The following NADK variants were observed in gnomAD, a reference collection of about 807,000 sequenced individuals.
NADK encodes poly(P)/ATP NAD kinase.
NADK carries 22 observed loss-of-function variants against 49.8 expected under a neutral mutation model. The ratio of observed to expected loss-of-function variants is 0.44; its 90% confidence interval spans 0.32 to 0.63. NADK has a LOEUF of 0.63. Among genes scored for constraint, NADK ranks in the 30% least tolerant of loss-of-function variants. The pLI, the probability that NADK is intolerant of heterozygous loss-of-function variation, is 0.06. For missense variants in NADK, 438 were observed against 609.4 expected, an observed-to-expected ratio of 0.72 and a Z score of 2.96; for synonymous variants, 268 against 253.7, an observed-to-expected ratio of 1.06 and a Z score of -0.54.
At position 1,753,503 on chromosome 1, in the gene NADK, C is replaced by T. The variant is rs950369304; in HGVS notation, c.1184+64G>A. 65 of 1,415,834 alleles carry T rather than the reference C, an allele frequency of 4.6e-5. No homozygotes were observed. The African/African-American group carries it at 7.5e-4, about 16-fold the overall frequency. The allele number at this position is 1,415,834 out of a possible 1,614,324, so 87.7% of individuals were successfully genotyped here. On this transcript the variant is annotated intron_variant, in intron 11 of 11. Transcript: ENST00000341426. ...TGTCTACAGGCCAACCGCAAGAGGG[C>T]AGGCGCTGCCTGGCCCGGGGAGGAG...
rs768647366 is a variant in NADK at position 1,752,939 on chromosome 1, A to C, written c.1306T>G (p.Phe436Val). The C allele has an allele frequency of 1.9e-6, 3 of 1,568,784 alleles. 1 individual carries two copies. Among genetic ancestry groups the C allele is most frequent in the Non-Finnish European group, 2.6e-6 (3 of 1,153,120 alleles). ...HWNVRKKQAH[F>V]EEEEEEEEEG The stretch of plus-strand genomic sequence containing the variant: ...TCCTCCTCCTCCTCCTCCTCCTCGA[A>C]GTGGGCTTGCTTCTTCCGGACGTTC... Residue 436 changes from phenylalanine (F) to valine (V), a missense_variant, in exon 12 of 12, where the codon TTC (phenylalanine) becomes GTC (valine). Physicochemically the swap from Phe to Val is conservative, Grantham distance 50. Coordinates refer to ENST00000341426, the MANE Select transcript of NADK (RefSeq NM_023018.5).
chr1:1,764,954 A>T (rs184039452), intron 2 of NADK, among the ~76,000 whole-genome samples: 13 of 152,334 alleles, frequency 8.5e-5, no homozygotes, highest in African/African-American at 2.9e-4. Flanking sequence ...GGGTCAGCGT[A>T]GGCGCCAGTT....
intron 3 of NADK, chr1:1,759,886 G>A (rs187983113): frequency 6.4e-7 from 1 of 1,550,714 alleles, no homozygotes; most frequent in African/African-American, 1.4e-5. Flanking sequence ...TGAGATGCGA[G>A]TGACAAAGGA....
At chr1:1,756,233 G>T in intron 6 of NADK, 25 bp downstream of exon 6, 1 of 1,603,690 alleles carries the variant, frequency 6.2e-7, no homozygotes, top group Non-Finnish European at 8.5e-7. Context: ...AACCTGGTGT[G>T]GGTCTGGAAA....
At chr1:1,776,759 C>G (rs923255902) in intron 1 of NADK, among the ~76,000 whole-genome samples, 2 of 130,214 alleles carry the variant, frequency 1.5e-5, no homozygotes, top group African/African-American at 2.9e-5. Context: ...GGCAACAGAG[C>G]TAGACTCTGT....
rs780425124 is a variant in NADK at position 1,753,056 on chromosome 1, T to G, written c.1189A>C (p.Ser397Arg). Residue 397 changes from serine to arginine, a missense_variant, in exon 12 of 12, where the codon AGC (serine) becomes CGC (arginine). Physicochemically the swap from Ser to Arg is moderately radical, Grantham distance 110 (BLOSUM62 -1). Transcript: ENST00000341426. Reference sequence around the variant, plus strand: ...AGCGGGTAGCATGAGGTAGTGATGCTGATGCTGGGACGGGAGAGCAGCAGC... The same window carrying G: ...AGCGGGTAGCATGAGGTAGTGATGCGGATGCTGGGACGGGAGAGCAGCAGC... Reference protein sequence around the residue: ...RQEIRHGDSISITTSCYPLPS... With the variant: ...RQEIRHGDSIRITTSCYPLPS... 1.2e-6 allele frequency: 2 copies of G among 1,608,688 alleles called. No individual in the cohort carries two copies. Among genetic ancestry groups the G allele is most frequent in the Non-Finnish European group, 1.7e-6 (2 of 1,177,330 alleles).
chr1:1,759,779 A>G, intron 3 of NADK: 1 of 1,556,858 alleles, frequency 6.4e-7, no homozygotes, highest in South Asian at 1.2e-5. Flanking sequence ...CTCGGGGACC[A>G]CTGAGTACGC....
chr1:1,759,232 T>C, intron 3 of NADK: 2 of 1,572,752 alleles, frequency 1.3e-6, no homozygotes, highest in Non-Finnish European at 1.7e-6. Flanking sequence ...CCTCGACCTC[T>C]TCCTGGGTCA....
intron 4 of NADK, 100 bp from the exon 5 acceptor site, chr1:1,756,708 G>C: frequency 6.3e-7 from 1 of 1,587,978 alleles, no homozygotes; most frequent in Non-Finnish European, 8.6e-7. Context: ...ACCTGGCATC[G>C]TGGCCTGCAT....
chr1:1,773,729 T>TGTGAGAGAGAGAGAGAGAGAGA (rs1553188456), intron 1 of NADK, among the ~76,000 whole-genome samples: 1 of 128,976 alleles, frequency 7.8e-6, no homozygotes, highest in East Asian at 2.4e-4. Flanking sequence ...TGTGTGTGTG[T>TGTGAGAGAGAGAGAGAGAGAGA]GAGAGAGAGA....
At chr1:1,760,304 G>A (rs914900422) in intron 3 of NADK, among the ~76,000 whole-genome samples, 2 of 152,216 alleles carry the variant, frequency 1.3e-5, no homozygotes, top group South Asian at 2.1e-4. Flanking sequence ...GCACAAGTGC[G>A]AGTCACTTCC....
chr1:1,765,018 C>T (rs1439044213), intron 2 of NADK, among the ~76,000 whole-genome samples: 1 of 152,246 alleles, frequency 6.6e-6, no homozygotes, highest in Non-Finnish European at 1.5e-5. Context: ...CACCCTGTGC[C>T]TGTGCTGGCA....
chr1:1,761,341 G>A (rs777579489), intron 3 of NADK, among the ~76,000 whole-genome samples: 1 of 152,046 alleles, frequency 6.6e-6, no homozygotes, highest in East Asian at 1.9e-4. Flanking sequence ...GCCCGGGCTG[G>A]TCTCAAACTC....
Position 1,761,966 on chromosome 1 carries a change from G to A in NADK, c.249C>T (p.Asn83=), listed in dbSNP as rs1386047543. The A allele has an allele frequency of 1.2e-6, 2 of 1,613,906 alleles. No homozygotes were observed. The highest frequency in any genetic ancestry group is 1.3e-5 in the African/African-American group (1 of 74,930). ...CCAGCACTCACATGATGGTCTGGGG[G>A]TTCTGCAGCACACAGGCCTTTGGTC... ...TFGPKACVLQ[N]PQTIMHIQDP... The change falls in exon 3 of 12, where the codon AAC becomes AAT. Residue 83 remains asparagine (N), a synonymous_variant. Transcript: ENST00000341426.
intron 3 of NADK, chr1:1,759,353 C>A: frequency 7.2e-7 from 1 of 1,393,762 alleles, no homozygotes; most frequent in Non-Finnish European, 9.5e-7. Context: ...GGGTACTGCA[C>A]GGAGAGGGCA....
intron 3 of NADK, among the ~76,000 whole-genome samples, chr1:1,761,105 G>C (rs1274313505): frequency 6.6e-6 from 1 of 152,146 alleles, no homozygotes; most frequent in Non-Finnish European, 1.5e-5. Flanking sequence ...GCAGTTCTCT[G>C]TCTCAGCCTC....
Position 1,752,994 on chromosome 1 carries a change from C to G in NADK, c.1251G>C (p.Trp417Cys). The G allele has an allele frequency of 6.2e-7, 1 of 1,606,766 alleles. No individual in the cohort carries two copies. Among genetic ancestry groups the G allele is most frequent in the Non-Finnish European group, 8.5e-7 (1 of 1,177,038 alleles). ...GCAGGCACTGGGCGAGGCTCTCAAA[C>G]CAGTCGCTCACGGGGTCCCGCACAC... Reference protein sequence around the residue: ...SICVRDPVSDWFESLAQCLHW... With the variant: ...SICVRDPVSDCFESLAQCLHW... The change falls in exon 12 of 12, where the codon TGG (tryptophan) becomes TGC (cysteine). Residue 417 changes from tryptophan (W) to cysteine (C), a missense_variant. By Grantham distance (215) the Trp-to-Cys change is radical. Transcript: ENST00000341426.
intron 11 of NADK, 116 bp from the exon 12 acceptor site, chr1:1,753,176 G>A (rs751748647): frequency 4.6e-6 from 6 of 1,305,116 alleles, no homozygotes; most frequent in Non-Finnish European, 6.3e-6. Context: ...TGTGGGGCCG[G>A]GCAGCCCCTC....
At chr1:1,777,126 C>T (rs1296083643) in intron 1 of NADK, among the ~76,000 whole-genome samples, 1 of 152,128 alleles carries the variant, frequency 6.6e-6, no homozygotes, top group Non-Finnish European at 1.5e-5. Context: ...AGGACACCTC[C>T]AAATGATGAA....
Sources: allele counts gnomAD v4.1 joint callset (sites outside exome capture counted in the v4.1 genomes callset), GRCh38; gene constraint gnomAD v4.1.1; transcripts MANE v1.5; gene names NCBI Gene and HGNC (gene_info 2026-07-23, HGNC 2026-07-21).